CFAP54: variants seen among roughly 807,000 people sequenced by gnomAD.
The protein encoded by CFAP54 is cilia- and flagella-associated protein 54.
A neutral mutation model predicts 370.4 loss-of-function variants in CFAP54; 290 were observed. That is an observed-to-expected ratio of 0.78 (90% CI 0.71 to 0.86). The LOEUF (loss-of-function observed/expected upper bound fraction) is 0.86. CFAP54 is among the 40% of genes least tolerant of loss of function. The pLI, the probability that CFAP54 is intolerant of heterozygous loss-of-function variation, is 0.00. For missense variants in CFAP54, 3,399 were observed against 3,528.7 expected (o/e 0.96, Z 0.93); for synonymous variants, 1,206 against 1,236.5 (o/e 0.98, Z 0.52).
intron 48 of CFAP54, among the ~76,000 whole-genome samples, chr12:96,712,890 A>G (rs963360954): frequency 6.6e-6 from 1 of 152,206 alleles, no homozygotes; most frequent in Non-Finnish European, 1.5e-5. Context: ...CTGGATAGAT[A>G]TTTATCAAAA....
chr12:96,820,312 C>G (rs1250524106), intron 65 of CFAP54, among the ~76,000 whole-genome samples: 1 of 152,038 alleles, frequency 6.6e-6, no homozygotes, highest in African/African-American at 2.4e-5. Flanking sequence ...ATTGTTTTGG[C>G]TTTGTTTTCT....
intron 66 of CFAP54, among the ~76,000 whole-genome samples, chr12:96,858,409 A>G (rs1959774776): frequency 1.3e-5 from 2 of 152,148 alleles, no homozygotes; most frequent in South Asian, 4.2e-4. Flanking sequence ...CATCAGATGC[A>G]TAGTTTGTAA....
At chr12:96,858,570 C>T (rs1048968628) in intron 66 of CFAP54, among the ~76,000 whole-genome samples, 2 of 152,062 alleles carry the variant, frequency 1.3e-5, no homozygotes, top group African/African-American at 4.8e-5. Context: ...TTGCTCATTC[C>T]CATGTCCAGC....
intron 26 of CFAP54, among the ~76,000 whole-genome samples, chr12:96,618,679 C>G (rs182366711): frequency 1.8e-4 from 27 of 152,290 alleles, no homozygotes; most frequent in African/African-American, 6.0e-4. Context: ...GGACTTCCAA[C>G]CAGCATTTGG....
At chr12:96,663,776 A>G (rs1322477617) in intron 38 of CFAP54, 54 bp from the exon 39 acceptor site, 11 of 1,332,234 alleles carry the variant, frequency 8.3e-6, no homozygotes, top group Non-Finnish European at 1.2e-5. Context: ...AAGTAAGCGA[A>G]ATTTTTAACT....
At chr12:96,817,728 C>G in intron 64 of CFAP54, 47 bp from the exon 65 acceptor site, 4 of 1,294,852 alleles carry the variant, frequency 3.1e-6, no homozygotes, top group Non-Finnish European at 4.0e-6. Flanking sequence ...CCATAAATAC[C>G]TTTCTTAACT....
chr12:96,641,373 A>G (rs997677551), intron 32 of CFAP54, among the ~76,000 whole-genome samples: 31 of 152,214 alleles, frequency 2.0e-4, no homozygotes, highest in Admixed American at 4.6e-4. Context: ...CAAAACCACA[A>G]TGAGATACCA....
At chr12:96,793,677 G>A (rs1565980386) in intron 63 of CFAP54, among the ~76,000 whole-genome samples, 1 of 152,116 alleles carries the variant, frequency 6.6e-6, no homozygotes, top group Non-Finnish European at 1.5e-5. Flanking sequence ...TACCAGCAGT[G>A]TAAAAGTGTT....
intron 50 of CFAP54, among the ~76,000 whole-genome samples, chr12:96,735,917 A>G (rs1384153525): frequency 2.0e-5 from 3 of 152,232 alleles, no homozygotes; most frequent in Non-Finnish European, 2.9e-5. Context: ...TAAAAGGGAA[A>G]TAGTCTTATG....
chr12:96,696,837 G>T (rs974285162), intron 45 of CFAP54, among the ~76,000 whole-genome samples: 2 of 152,192 alleles, frequency 1.3e-5, no homozygotes, highest in Non-Finnish European at 2.9e-5. Flanking sequence ...AGCAGAGTTT[G>T]CCTGACCTTT....
chr12:96,677,430 A>T (rs1398149089), intron 39 of CFAP54, among the ~76,000 whole-genome samples: 2 of 152,202 alleles, frequency 1.3e-5, no homozygotes, highest in Non-Finnish European at 2.9e-5. Flanking sequence ...AAGGAGAAAA[A>T]GATAAAAGCC....
chr12:96,675,333 A>G lies in CFAP54; in HGVS notation c.5564-4267A>G, dbSNP rs533652780. On this transcript the variant is annotated intron_variant, in intron 39 of 67. Transcript: ENST00000524981. Reference sequence around the variant, plus strand: ...ATTTATGCAGCCAAAAGACACATGAAAAAATGCTCATCATCACTGGCCATC... The same window carrying G: ...ATTTATGCAGCCAAAAGACACATGAGAAAATGCTCATCATCACTGGCCATC... Among the ~76,000 whole-genome samples the G allele has an allele frequency of 2.6e-5, 4 of 152,380 alleles. No individual in the cohort carries two copies. The East Asian group carries it at 7.7e-4, about 29-fold the overall frequency.
At chr12:96,645,306 C>G in intron 33 of CFAP54, 1 of 350,866 alleles carries the variant, frequency 2.9e-6, no homozygotes, top group South Asian at 2.2e-5. Context: ...ACACCAATAA[C>G]AGACAAACAA....
At chr12:96,677,054 G>C (rs941874976) in intron 39 of CFAP54, among the ~76,000 whole-genome samples, 2 of 141,620 alleles carry the variant, frequency 1.4e-5, no homozygotes, top group Admixed American at 1.5e-4. Context: ...CCAGGCTGGA[G>C]TGCAATAGCA....
At chr12:96,503,624 C>T (rs970146715) in intron 2 of CFAP54, among the ~76,000 whole-genome samples, 6 of 152,074 alleles carry the variant, frequency 3.9e-5, no homozygotes, top group African/African-American at 1.4e-4. Context: ...ATGCACAGTG[C>T]CATAGTAAAT....
At chr12:96,682,034 C>A in intron 40 of CFAP54, 2 of 476,432 alleles carry the variant, frequency 4.2e-6, no homozygotes, top group Non-Finnish European at 5.5e-6. Context: ...CAGCTATATA[C>A]AAAATATTTC....
rs369259086 is a variant in CFAP54, at chr12:96,708,669, A to G, written c.6590A>G (p.His2197Arg). ...PAVLVTIGQP[H>R]LLNKFNFVKA... ...GTTCTGGTTACAATTGGCCAACCAC[A>G]TCTCTTAAATAAGTTTAATTTTGTT... The change falls in exon 48 of 68, where the codon CAT (histidine) becomes CGT (arginine). Residue 2197 changes from histidine to arginine, a missense_variant. By Grantham distance (29) the His-to-Arg change is conservative. Coordinates refer to ENST00000524981, the MANE Select transcript of CFAP54 (RefSeq NM_001306084.2). 6.4e-5 allele frequency: 103 copies of G among 1,611,806 alleles called. No homozygotes were observed. Among genetic ancestry groups the G allele is most frequent in the Non-Finnish European group, 7.7e-5 (91 of 1,179,450 alleles).
intron 62 of CFAP54, among the ~76,000 whole-genome samples, chr12:96,790,920 G>A (rs78172312): frequency 0.016 from 2,455 of 152,060 alleles, 18 homozygotes; most frequent in Middle Eastern, 0.068. Flanking sequence ...TTTTATTTCC[G>A]TTTTTATTTT....
At chr12:96,774,588 C>T (rs1263402707) in intron 60 of CFAP54, among the ~76,000 whole-genome samples, 4 of 152,082 alleles carry the variant, frequency 2.6e-5, no homozygotes, top group East Asian at 3.8e-4. Flanking sequence ...TAATTACTCT[C>T]TCTTGTGGCT....
Sources: gnomAD v4.1 joint callset for allele counts (sites outside exome capture counted in the v4.1 genomes callset) on GRCh38, gnomAD v4.1.1 for gene constraint, MANE v1.5 for transcripts, NCBI Gene and HGNC (gene_info 2026-07-23, HGNC 2026-07-21) for gene names.